Variants in GPA33 observed in about 807,000 individuals in gnomAD.
GPA33 encodes glycoprotein A33, also known as cell surface A33 antigen.
In GPA33, 27 loss-of-function variants were observed where a neutral mutation model predicts 35.6. That is an observed-to-expected ratio of 0.76 (90% CI 0.56 to 1.04). The LOEUF is 1.04. GPA33 is among the 50% of genes least tolerant of loss of function. The pLI is 0.00. For synonymous variants in GPA33, 176 were observed against 164.0 expected (o/e 1.07, Z -0.56); for missense variants, 428 against 411.9 (o/e 1.04, Z -0.34).
intron 2 of GPA33, among the ~76,000 whole-genome samples, chr1:167,071,596 A>G (rs1277319520): frequency 1.3e-5 from 2 of 152,194 alleles, no homozygotes; most frequent in African/African-American, 2.4e-5. Flanking sequence ...CTGACAAGCG[A>G]GGGAGAAACA....
At chr1:167,081,659 C>T (rs1208766342) in intron 1 of GPA33, among the ~76,000 whole-genome samples, 1 of 152,232 alleles carries the variant, frequency 6.6e-6, no homozygotes, top group African/African-American at 2.4e-5. Flanking sequence ...TTGGAAGCCC[C>T]ACCAGGACCA....
Position 167,054,138 on chromosome 1 carries a change from G to A in GPA33, c.*196C>T. 1.5e-6 allele frequency: 1 copy of A among 664,892 alleles called. No individual in the cohort carries two copies. The highest frequency in any genetic ancestry group is 2.5e-6 in the Non-Finnish European group (1 of 395,398). The allele number at this position is 664,892 out of a possible 1,614,324, so 41.2% of individuals were successfully genotyped here. ...AGGAGGGGTTACTTCACAGGACAGT[G>A]AGGTCAGCAGGATCAGCACAGGGAC... On this transcript the variant is annotated 3_prime_UTR_variant, in exon 7 of 7. Transcript: ENST00000367868.
At chr1:167,059,796 G>A (rs909248794) in intron 4 of GPA33, among the ~76,000 whole-genome samples, 3 of 152,152 alleles carry the variant, frequency 2.0e-5, no homozygotes, top group African/African-American at 4.8e-5. Context: ...CTAAGGGTCC[G>A]AGAGGCTGTG....
At chr1:167,069,536 T>C (rs1173527160) in intron 2 of GPA33, among the ~76,000 whole-genome samples, 2 of 152,230 alleles carry the variant, frequency 1.3e-5, no homozygotes, top group Non-Finnish European at 2.9e-5. Flanking sequence ...CCAGGCATGA[T>C]GCTGGGCAGC....
chr1:167,068,675 G>T (rs1267194069), intron 3 of GPA33, among the ~76,000 whole-genome samples: 3 of 152,246 alleles, frequency 2.0e-5, no homozygotes, highest in African/African-American at 7.2e-5. Context: ...GACACCGACA[G>T]AGCAAGGGAC....
chr1:167,063,836 T>A, intron 3 of GPA33, 99 bp from the exon 4 acceptor site: 1 of 801,692 alleles, frequency 1.2e-6, no homozygotes, highest in Non-Finnish European at 1.9e-6. Flanking sequence ...ATATACTGCC[T>A]TGTTTGTTCA....
At chr1:167,065,917 A>G (rs910068832) in intron 3 of GPA33, among the ~76,000 whole-genome samples, 4 of 152,052 alleles carry the variant, frequency 2.6e-5, no homozygotes, top group Non-Finnish European at 5.9e-5. Context: ...CGGCTTAAGG[A>G]CCACTCTTAC....
At chr1:167,056,712 G>GTGTGTGT (rs1666287133) in intron 4 of GPA33, among the ~76,000 whole-genome samples, 1 of 1,266 alleles carries the variant, frequency 7.9e-4, no homozygotes, top group Non-Finnish European at 1.8e-3. Context: ...TGTGTGTAGT[G>GTGTGTGT]TGTGTGTAGT....
intron 1 of GPA33, among the ~76,000 whole-genome samples, chr1:167,084,627 T>C (rs968859883): frequency 6.6e-6 from 1 of 152,202 alleles, no homozygotes; most frequent in Non-Finnish European, 1.5e-5. Flanking sequence ...GCCATCATGT[T>C]ATGAGGAGGC....
Position 167,052,925 on chromosome 1 carries a change from T to A in GPA33, c.*1409A>T, listed in dbSNP as rs1008701274. 3.3e-5 allele frequency: 5 copies of A among 152,198 alleles called. No homozygotes were observed. The highest frequency in any genetic ancestry group is 6.5e-5 in the Admixed American group (1 of 15,276). 9.4% of individuals were successfully genotyped at this position (152,198 alleles called of 1,614,324 possible). ...AATATATATAAAAATATACATTTTT[T>A]AAAAAATCGCAAGTAGACAATAGAT... On this transcript the variant is annotated 3_prime_UTR_variant, in exon 7 of 7. Transcript: ENST00000367868.
chr1:167,090,124 G>A lies in GPA33; in HGVS notation c.43+121C>T, dbSNP rs540094503. Reference sequence around the variant, plus strand: ...CGGAATGTGTAATTCTGGCCCAGCAGGAACGCAGCTGTGTTGCTGGAGGCC... The same window carrying A: ...CGGAATGTGTAATTCTGGCCCAGCAAGAACGCAGCTGTGTTGCTGGAGGCC... On this transcript the variant is annotated intron_variant, in intron 1 of 6. Transcript: ENST00000367868. 3.9e-4 allele frequency: 285 copies of A among 738,754 alleles called. 2 individuals carry two copies. Among genetic ancestry groups the A allele is most frequent in the Middle Eastern group, 2.1e-3 (9 of 4,252 alleles). 45.8% of individuals were successfully genotyped at this position (738,754 alleles called of 1,614,324 possible). A position where few individuals can be genotyped will look rare whatever the true frequency, so the allele number is the denominator to read the frequency against.
intron 4 of GPA33, among the ~76,000 whole-genome samples, chr1:167,062,085 C>T (rs1666464774): frequency 6.6e-6 from 1 of 152,130 alleles, no homozygotes; most frequent in African/African-American, 2.4e-5. Flanking sequence ...GCCTCCTTTT[C>T]CACCTACACT....
chr1:167,086,130 T>C (rs769082704), intron 1 of GPA33, among the ~76,000 whole-genome samples: 4 of 152,216 alleles, frequency 2.6e-5, no homozygotes, highest in African/African-American at 9.7e-5. Context: ...TTAATCCTGA[T>C]TGCGTCTCTG....
chr1:167,084,242 C>T (rs1455239621), intron 1 of GPA33, among the ~76,000 whole-genome samples: 2 of 152,170 alleles, frequency 1.3e-5, no homozygotes, highest in Non-Finnish European at 2.9e-5. Context: ...CAAACAGGCT[C>T]AGGAGACAAG....
At chr1:167,067,189 G>T (rs2102183840) in intron 3 of GPA33, among the ~76,000 whole-genome samples, 1 of 152,092 alleles carries the variant, frequency 6.6e-6, no homozygotes, top group East Asian at 1.9e-4. Context: ...TTTGAGGCCG[G>T]TCTCTGTCAC....
intron 5 of GPA33, 49 bp downstream of exon 5, chr1:167,055,681 C>CAGTT: frequency 1.2e-6 from 2 of 1,605,176 alleles, no homozygotes; most frequent in African/African-American, 1.3e-5. Flanking sequence ...GGACCCCCAC[C>CAGTT]AGTTATCCTG....
Position 167,087,412 on chromosome 1 carries a change from A to C in GPA33, c.43+2833T>G, listed in dbSNP as rs148970633. On this transcript the variant is annotated intron_variant, in intron 1 of 6. Transcript: ENST00000367868. Reference sequence around the variant, plus strand: ...CCTGTTGGGGCACAGTGTGAATTTTACACCCCTCCATTTCAGACTAGAAGA... The same window carrying C: ...CCTGTTGGGGCACAGTGTGAATTTTCCACCCCTCCATTTCAGACTAGAAGA... Among the ~76,000 whole-genome samples, 53 of 152,298 alleles carry C rather than the reference A, an allele frequency of 3.5e-4. 1 individual carries two copies. The highest frequency in any genetic ancestry group is 1.2e-3 in the African/African-American group (49 of 41,562).
At chr1:167,075,894 G>A (rs956864811) in intron 1 of GPA33, among the ~76,000 whole-genome samples, 6 of 152,120 alleles carry the variant, frequency 3.9e-5, no homozygotes, top group African/African-American at 1.2e-4. Context: ...AGCAAAGGAG[G>A]TCAGCTACTC....
intron 4 of GPA33, among the ~76,000 whole-genome samples, chr1:167,057,241 G>A (rs1378187267): frequency 1.3e-5 from 2 of 152,208 alleles, no homozygotes; most frequent in Admixed American, 6.5e-5. Flanking sequence ...TCTCATGGAA[G>A]ACCTTTCCCC....
Sources: gnomAD v4.1 joint callset for allele counts (sites outside exome capture counted in the v4.1 genomes callset) on GRCh38, gnomAD v4.1.1 for gene constraint, MANE v1.5 for transcripts, NCBI Gene and HGNC (gene_info 2026-07-23, HGNC 2026-07-21) for gene names.